Variants in PARN observed in about 807,000 individuals in gnomAD.
The protein encoded by PARN is poly(A)-specific ribonuclease PARN.
A neutral mutation model predicts 102.8 loss-of-function variants in PARN; 71 were observed. That is an observed-to-expected ratio of 0.69 (90% CI 0.57 to 0.84). PARN has a LOEUF of 0.84. PARN is among the 40% of genes least tolerant of loss of function. The probability of loss-of-function intolerance (pLI) is 0.00; values close to 1 mark genes in which losing one functional copy is unlikely to be tolerated. For missense variants in PARN, 782 were observed against 760.9 expected, an observed-to-expected ratio of 1.03 and a Z score of -0.33; for synonymous variants, 261 against 252.9, an observed-to-expected ratio of 1.03 and a Z score of -0.30.
intron 23 of PARN, among the ~76,000 whole-genome samples, chr16:14,444,617 T>C (rs976349558): frequency 1.3e-5 from 2 of 152,110 alleles, no homozygotes; most frequent in African/African-American, 4.8e-5. Context: ...ACTAAAAAAA[T>C]CCAGAAGAGA....
intron 23 of PARN, among the ~76,000 whole-genome samples, chr16:14,438,442 G>GGT (rs1014032129): frequency 1.7e-5 from 1 of 57,308 alleles, no homozygotes; most frequent in Admixed American, 1.5e-4. Flanking sequence ...GCCATTAGTT[G>GGT]GGGGGGGGGG....
At chr16:14,623,361 A>G (rs1268267046) in intron 5 of PARN, among the ~76,000 whole-genome samples, 3 of 151,874 alleles carry the variant, frequency 2.0e-5, no homozygotes, top group African/African-American at 7.3e-5. Context: ...TAAAAATACA[A>G]AAATTAGCTG....
intron 21 of PARN, among the ~76,000 whole-genome samples, chr16:14,533,154 G>C (rs1192665502): frequency 6.6e-6 from 1 of 152,128 alleles, no homozygotes; most frequent in Non-Finnish European, 1.5e-5. Flanking sequence ...CTGCAACCCC[G>C]GCACCTCAGG....
intron 21 of PARN, among the ~76,000 whole-genome samples, chr16:14,485,930 C>T (rs895507030): frequency 5.9e-5 from 9 of 152,308 alleles, no homozygotes; most frequent in Middle Eastern, 3.4e-3. Context: ...TCAAGTGATT[C>T]GCCTGCCTCG....
At chr16:14,616,709 A>G (rs1890661794) in intron 6 of PARN, among the ~76,000 whole-genome samples, 1 of 152,084 alleles carries the variant, frequency 6.6e-6, no homozygotes, top group African/African-American at 2.4e-5. Flanking sequence ...GCACCACTGC[A>G]CTCACCCTGG....
At chr16:14,574,106 G>C (rs1220014510) in intron 18 of PARN, among the ~76,000 whole-genome samples, 1 of 151,950 alleles carries the variant, frequency 6.6e-6, no homozygotes, top group African/African-American at 2.4e-5. Flanking sequence ...GAATGGTTTT[G>C]ACCAAAATGC....
intron 21 of PARN, among the ~76,000 whole-genome samples, chr16:14,505,671 G>A (rs1964857578): frequency 2.6e-5 from 4 of 152,004 alleles, no homozygotes; most frequent in African/African-American, 9.7e-5. Flanking sequence ...AATAACCAAT[G>A]GTTCATTAAA....
intron 21 of PARN, among the ~76,000 whole-genome samples, chr16:14,546,515 A>G (rs1966955037): frequency 1.3e-5 from 2 of 152,190 alleles, no homozygotes; most frequent in African/African-American, 4.8e-5. Context: ...GTCTTTATCA[A>G]TTTCTGCTTT....
At chr16:14,597,514 G>A (rs1970596130) in intron 12 of PARN, among the ~76,000 whole-genome samples, 1 of 152,016 alleles carries the variant, frequency 6.6e-6, no homozygotes. Flanking sequence ...GGCTAACATG[G>A]TGAAACCCCG....
intron 21 of PARN, among the ~76,000 whole-genome samples, chr16:14,551,439 C>T (rs946001875): frequency 3.3e-5 from 5 of 151,726 alleles, no homozygotes; most frequent in African/African-American, 1.2e-4. Context: ...TATCATGTTG[C>T]GCGCCTGTAA....
intron 18 of PARN, among the ~76,000 whole-genome samples, chr16:14,567,161 T>G (rs1162278397): frequency 1.3e-5 from 2 of 152,150 alleles, no homozygotes; most frequent in Non-Finnish European, 2.9e-5. Context: ...AAACAAGACT[T>G]TGAGGAAAAA....
chr16:14,593,173 T>A (rs1034585791), intron 13 of PARN, 128 bp downstream of exon 13: 7 of 588,830 alleles, frequency 1.2e-5, no homozygotes, highest in Non-Finnish European at 2.1e-5. Context: ...AGATTCTCTC[T>A]GGGAACATGC....
At chr16:14,461,673 C>T (rs1362593096) in intron 22 of PARN, among the ~76,000 whole-genome samples, 1 of 152,234 alleles carries the variant, frequency 6.6e-6, no homozygotes, top group African/African-American at 2.4e-5. Flanking sequence ...GCAGTGTCAA[C>T]ATTCCCGTGG....
chr16:14,536,050 T>C (rs1966592991), intron 21 of PARN, among the ~76,000 whole-genome samples: 1 of 152,290 alleles, frequency 6.6e-6, no homozygotes, highest in African/African-American at 2.4e-5. Flanking sequence ...TATTACACAT[T>C]ATTCACTATG....
At chr16:14,617,123 A>G (rs572097359) in intron 6 of PARN, among the ~76,000 whole-genome samples, 8 of 151,364 alleles carry the variant, frequency 5.3e-5, no homozygotes, top group Non-Finnish European at 7.4e-5. Context: ...GGTGGCTCAC[A>G]CTTGTAATCC....
intron 5 of PARN, among the ~76,000 whole-genome samples, chr16:14,619,887 T>C (rs963171527): frequency 3.3e-5 from 5 of 150,322 alleles, no homozygotes; most frequent in African/African-American, 1.2e-4. Context: ...CTGACCAACA[T>C]GGTGAAACCC....
intron 12 of PARN, among the ~76,000 whole-genome samples, chr16:14,594,803 T>C (rs1355206501): frequency 6.6e-6 from 1 of 152,192 alleles, no homozygotes. Flanking sequence ...GGACTACACA[T>C]TAATTATCTG....
At chr16:14,456,898 T>C (rs1362998149) in intron 22 of PARN, among the ~76,000 whole-genome samples, 1 of 152,220 alleles carries the variant, frequency 6.6e-6, no homozygotes, top group Non-Finnish European at 1.5e-5. Context: ...TTCCTCCTCC[T>C]ACTCGCCTCT....
intron 7 of PARN, among the ~76,000 whole-genome samples, chr16:14,610,408 G>A (rs908042722): frequency 6.6e-6 from 1 of 151,682 alleles, no homozygotes; most frequent in South Asian, 2.1e-4. Context: ...AGGAGGCAGA[G>A]GTTGCAGTAA....
Sources: allele counts gnomAD v4.1 joint callset (sites outside exome capture counted in the v4.1 genomes callset), GRCh38; gene constraint gnomAD v4.1.1; transcripts MANE v1.5; gene names NCBI Gene and HGNC (gene_info 2026-07-23, HGNC 2026-07-21).